The following ACSL3 variants were observed in gnomAD, a reference collection of about 807,000 sequenced individuals.
ACSL3 encodes fatty acid CoA ligase Acsl3.
Under a neutral mutation model 84.7 loss-of-function variants are expected in ACSL3, and 34 were observed. That is an observed-to-expected ratio of 0.40 (90% CI 0.31 to 0.53). The LOEUF is 0.53. ACSL3 is among the 20% of genes least tolerant of loss of function. The pLI is 0.48. For missense variants in ACSL3, 680 were observed against 873.1 expected, an observed-to-expected ratio of 0.78 and a Z score of 2.79; for synonymous variants, 315 against 299.4, an observed-to-expected ratio of 1.05 and a Z score of -0.54.
chr2:222,921,951 G>A (rs1696751743), intron 8 of ACSL3, among the ~76,000 whole-genome samples: 1 of 152,180 alleles, frequency 6.6e-6, no homozygotes, highest in African/African-American at 2.4e-5. Context: ...ATAGGGTACA[G>A]TGGTTGGATA....
chr2:222,871,317 G>A (rs1039973490), intron 1 of ACSL3, among the ~76,000 whole-genome samples: 2 of 152,168 alleles, frequency 1.3e-5, no homozygotes, highest in Admixed American at 6.5e-5. Context: ...TTAAAAATGC[G>A]AAGTGGGATA....
chr2:222,913,525 C>T (rs903413723), intron 4 of ACSL3, among the ~76,000 whole-genome samples: 1 of 152,152 alleles, frequency 6.6e-6, no homozygotes, highest in Non-Finnish European at 1.5e-5. Context: ...GCCAAAAAAT[C>T]AGGGGTGTCT....
At chr2:222,890,829 G>A (rs1465167640) in intron 2 of ACSL3, among the ~76,000 whole-genome samples, 1 of 152,120 alleles carries the variant, frequency 6.6e-6, no homozygotes, top group African/African-American at 2.4e-5. Context: ...TTTTAATAGA[G>A]ACGGGGTTTC....
chr2:222,931,464 A>T (rs1697028583), intron 14 of ACSL3, among the ~76,000 whole-genome samples: 1 of 152,032 alleles, frequency 6.6e-6, no homozygotes, highest in Non-Finnish European at 1.5e-5. Flanking sequence ...GCTAACTAGA[A>T]ACCTGGGAGG....
intron 5 of ACSL3, chr2:222,917,238 T>G (rs1296480267): frequency 1.3e-5 from 2 of 152,332 alleles, no homozygotes; most frequent in Admixed American, 6.5e-5. Context: ...TGCAGGCGCA[T>G]GCCGCCATGC....
rs1423066395 is a variant in ACSL3 at position 222,908,759 on chromosome 2, C to G, written c.-14C>G. 6.4e-7 allele frequency: 1 copy of G among 1,564,908 alleles called. No individual in the cohort carries two copies. The highest frequency in any genetic ancestry group is 8.6e-7 in the Non-Finnish European group (1 of 1,166,252). ...TTCTCGCTGAAGTCTGTTAATTCTA[C>G]TTTTTGAGTACTTATGAATAACCAC... On this transcript the variant is annotated 5_prime_UTR_variant, in exon 4 of 17. Transcript: ENST00000357430.
At chr2:222,869,689 T>C (rs1438112256) in intron 1 of ACSL3, among the ~76,000 whole-genome samples, 4 of 152,096 alleles carry the variant, frequency 2.6e-5, no homozygotes, top group Non-Finnish European at 5.9e-5. Flanking sequence ...AGACTAATGT[T>C]AGATTTGAAG....
At position 222,865,337 on chromosome 2, in the gene ACSL3, A is replaced by G. The variant is rs137873245; in HGVS notation, c.-207+4079A>G. ...ACTGATCTGCTAATTTTTGTTTAGA[A>G]TTGAAGATACTTAAATAACCAACCT... On this transcript the variant is annotated intron_variant, in intron 1 of 16. Coordinates refer to ENST00000357430, the MANE Select transcript of ACSL3 (RefSeq NM_004457.5). Among the ~76,000 whole-genome samples, 724 of 152,358 alleles carry G rather than the reference A, an allele frequency of 4.8e-3. 8 individuals carry two copies. The highest frequency in any genetic ancestry group is 0.017 in the African/African-American group (687 of 41,584).
intron 2 of ACSL3, among the ~76,000 whole-genome samples, chr2:222,896,478 AC>A (rs1364099581): frequency 2.5e-4 from 2 of 7,860 alleles, no homozygotes; most frequent in Non-Finnish European, 4.9e-4. Flanking sequence ...CGGGGGGCTG[AC>A]CCCCCCCACC....
chr2:222,932,081 C>T (rs1297075257), intron 14 of ACSL3, among the ~76,000 whole-genome samples: 1 of 152,170 alleles, frequency 6.6e-6, no homozygotes, highest in Non-Finnish European at 1.5e-5. Flanking sequence ...TCAGGCCTCA[C>T]TTGCAAGAAT....
intron 1 of ACSL3, among the ~76,000 whole-genome samples, chr2:222,863,165 G>A (rs1695055551): frequency 6.6e-6 from 1 of 152,182 alleles, no homozygotes; most frequent in African/African-American, 2.4e-5. Flanking sequence ...AGAAGCAAAT[G>A]GTCATACAAA....
chr2:222,923,074 G>T lies in ACSL3; in HGVS notation c.1081-4G>T. 1.9e-6 allele frequency: 3 copies of T among 1,609,842 alleles called. No individual in the cohort carries two copies. Among genetic ancestry groups the T allele is most frequent in the Non-Finnish European group, 2.5e-6 (3 of 1,176,606 alleles). On this transcript the variant is annotated splice_region_variant and splice_polypyrimidine_tract_variant and intron_variant, in intron 9 of 16. Transcript: ENST00000357430. ...TATATGGATCACTTTTTCTTATTTTGTAGTCTTCAAAAATTAAAAAAGGAA... is the reference window on the plus strand; with the variant it reads ...TATATGGATCACTTTTTCTTATTTTTTAGTCTTCAAAAATTAAAAAAGGAA...
intron 1 of ACSL3, chr2:222,861,469 A>G (rs1695005130): frequency 6.6e-6 from 1 of 152,026 alleles, no homozygotes; most frequent in African/African-American, 2.4e-5. Flanking sequence ...GGGTCCGGGA[A>G]GCGGCTGACG....
In ACSL3 at chr2:222,935,931, C is replaced by A. The variant is rs190013129; in HGVS notation, c.2005+1244C>A. Among the ~76,000 whole-genome samples the A allele has an allele frequency of 4.7e-3, 715 of 152,210 alleles. 2 individuals carry two copies. The highest frequency in any genetic ancestry group is 7.9e-3 in the Non-Finnish European group (536 of 68,014). On this transcript the variant is annotated intron_variant, in intron 16 of 16. Transcript: ENST00000357430. ...CCCATTACACTAATTCCCCTTCCCT[C>A]TCTCCCCCTTCCCTCCACCTTTTTA...
intron 4 of ACSL3, among the ~76,000 whole-genome samples, chr2:222,916,094 C>T (rs1376447932): frequency 1.3e-5 from 2 of 152,100 alleles, no homozygotes; most frequent in South Asian, 4.1e-4. Flanking sequence ...AGCCAAAAAA[C>T]CCCCCAGTTA....
chr2:222,895,077 C>A (rs180838852), intron 2 of ACSL3, among the ~76,000 whole-genome samples: 2 of 152,174 alleles, frequency 1.3e-5, no homozygotes, highest in African/African-American at 4.8e-5. Flanking sequence ...ATTTCAATAT[C>A]GTTCTAACAC....
chr2:222,868,252 T>C (rs1695206569), intron 1 of ACSL3, among the ~76,000 whole-genome samples: 1 of 152,170 alleles, frequency 6.6e-6, no homozygotes, highest in African/African-American at 2.4e-5. Flanking sequence ...GAGTTAAGAT[T>C]GCTTGGATTG....
rs1312947630 is a variant in ACSL3, at chr2:222,913,012, C to A, written c.379-3307C>A. 2.0e-5 allele frequency among the ~76,000 whole-genome samples: 3 copies of A among 152,142 alleles called. No homozygotes were observed. The East Asian group carries it at 5.8e-4, about 29-fold the overall frequency. ...AGGACAACCTTAAAATACATGTATA[C>A]CTGAAATAGAACAAAGCTGCAAAGA... is the stretch of plus-strand genomic sequence containing the variant. On this transcript the variant is annotated intron_variant, in intron 4 of 16. Coordinates refer to ENST00000357430, the MANE Select transcript of ACSL3 (RefSeq NM_004457.5).
intron 4 of ACSL3, chr2:222,909,851 TCA>T (rs1247974175): frequency 3.3e-5 from 5 of 152,256 alleles, no homozygotes; most frequent in African/African-American, 9.6e-5. Flanking sequence ...ATCTTAAGAC[TCA>T]CAGTTACCCT....
Sources: gnomAD v4.1 joint callset for allele counts (sites outside exome capture counted in the v4.1 genomes callset) on GRCh38, gnomAD v4.1.1 for gene constraint, MANE v1.5 for transcripts, NCBI Gene and HGNC (gene_info 2026-07-23, HGNC 2026-07-21) for gene names.